NRCAM: variants seen among roughly 807,000 people sequenced by gnomAD.
The protein encoded by NRCAM is NgCAM-related cell adhesion molecule.
In NRCAM, 83 loss-of-function variants were observed where a neutral mutation model predicts 156.5. That is an observed-to-expected ratio of 0.53 (90% CI 0.44 to 0.64). The LOEUF (loss-of-function observed/expected upper bound fraction) is 0.64, where lower values mean the gene tolerates loss of function less well. NRCAM is among the 30% of genes least tolerant of loss of function. NRCAM has a pLI of 0.00. For missense variants in NRCAM, 1,417 were observed against 1,597.3 expected (o/e 0.89, Z 1.92); for synonymous variants, 538 against 563.9 (o/e 0.95, Z 0.65).
chr7:108,421,947 C>T (rs1196881464), intron 1 of NRCAM, among the ~76,000 whole-genome samples: 3 of 152,198 alleles, frequency 2.0e-5, no homozygotes, highest in Non-Finnish European at 4.4e-5. Flanking sequence ...TGGCAGCAAC[C>T]TTTTCCACTA....
At chr7:108,347,032 GT>G (rs754160030) in intron 2 of NRCAM, among the ~76,000 whole-genome samples, 2,423 of 82,936 alleles carry the variant, frequency 0.029, 16 homozygotes, top group African/African-American at 0.11. Context: ...TTATATTTCT[GT>G]TTTTTTTTTT....
At chr7:108,347,896 C>T (rs942973564) in intron 2 of NRCAM, among the ~76,000 whole-genome samples, 1 of 152,174 alleles carries the variant, frequency 6.6e-6, no homozygotes, top group African/African-American at 2.4e-5. Context: ...CCCTGCCCTG[C>T]TTTATTTACT....
intron 2 of NRCAM, among the ~76,000 whole-genome samples, chr7:108,321,098 G>A (rs1191583966): frequency 2.0e-5 from 3 of 151,694 alleles, no homozygotes; most frequent in Non-Finnish European, 4.4e-5. Context: ...CATATAACTT[G>A]CATAATTCAT....
chr7:108,241,793 T>C (rs963327210), intron 3 of NRCAM, among the ~76,000 whole-genome samples: 1 of 152,226 alleles, frequency 6.6e-6, no homozygotes, highest in Admixed American at 6.5e-5. Context: ...ATATTTATAC[T>C]GCTTGGTTTA....
At chr7:108,444,419 T>C (rs71568522) in intron 1 of NRCAM, among the ~76,000 whole-genome samples, 1 of 152,184 alleles carries the variant, frequency 6.6e-6, no homozygotes, top group East Asian at 1.9e-4. Context: ...ACTATTATTG[T>C]ATTCTGTATT....
chr7:108,361,488 C>A (rs1338193644), intron 2 of NRCAM, among the ~76,000 whole-genome samples: 1 of 152,100 alleles, frequency 6.6e-6, no homozygotes, highest in Non-Finnish European at 1.5e-5. Context: ...AGAGGCTGAC[C>A]CTCCCCCAAG....
intron 2 of NRCAM, among the ~76,000 whole-genome samples, chr7:108,345,462 C>T (rs1188377451): frequency 2.0e-5 from 3 of 152,302 alleles, no homozygotes; most frequent in Non-Finnish European, 1.5e-5. Context: ...TGAGATTGAT[C>T]TAAATATCCT....
intron 3 of NRCAM, among the ~76,000 whole-genome samples, chr7:108,299,115 A>AAAAAAAAAG (rs1262888955): frequency 1.1e-4 from 6 of 52,184 alleles, no homozygotes; most frequent in African/African-American, 3.9e-4. Context: ...CAAAAAAAAA[A>AAAAAAAAAG]AAGAAAGAAA....
rs137924504 is a variant in NRCAM at position 108,431,633 on chromosome 7, A to G, written c.-332+24610T>C. Among the ~76,000 whole-genome samples the G allele has an allele frequency of 8.5e-4, 129 of 152,194 alleles. 1 individual carries two copies. Among genetic ancestry groups the G allele is most frequent in the African/African-American group, 3.0e-3 (126 of 41,516 alleles). ...CTTCATCTCTACGAAAAAAATACAA[A>G]AATTAGCCAAGCACGGTGACATGCA... On this transcript the variant is annotated intron_variant, in intron 1 of 32. Transcript: ENST00000379028.
At chr7:108,456,075 A>C (rs1365279950) in intron 1 of NRCAM, among the ~76,000 whole-genome samples, 168 bp downstream of exon 1, 1 of 151,782 alleles carries the variant, frequency 6.6e-6, no homozygotes, top group African/African-American at 2.4e-5. Context: ...AGGGAGTTGG[A>C]GATCTGCTTT....
At chr7:108,175,089 A>G (rs1165239375) in intron 28 of NRCAM, among the ~76,000 whole-genome samples, 1 of 152,256 alleles carries the variant, frequency 6.6e-6, no homozygotes, top group East Asian at 1.9e-4. Flanking sequence ...AGCTAAGATT[A>G]GGATTTGTAC....
chr7:108,174,882 G>C (rs778574577), intron 28 of NRCAM, among the ~76,000 whole-genome samples: 6 of 152,348 alleles, frequency 3.9e-5, no homozygotes, highest in Non-Finnish European at 5.9e-5. Flanking sequence ...TGGCAGCCGA[G>C]TGTACACTGT....
In NRCAM at chr7:108,203,710, G is replaced by A. The variant is rs2079429702; in HGVS notation, c.1207+3818C>T. ...CCCCTGACTGTATCTCTGTTGTGTG[G>A]CACAGGAGACAAACTTCAGGCACCT... On this transcript the variant is annotated intron_variant, in intron 13 of 32. Transcript: ENST00000379028. Among the ~76,000 whole-genome samples, 4 of 152,116 alleles carry A rather than the reference G, an allele frequency of 2.6e-5. No individual in the cohort carries two copies. The South Asian group carries it at 8.3e-4, about 32-fold the overall frequency.
intron 32 of NRCAM, chr7:108,156,253 T>G: frequency 2.0e-6 from 2 of 979,278 alleles, no homozygotes; most frequent in Non-Finnish European, 2.4e-6. Context: ...TTCACATGAA[T>G]GACAAGATTC....
rs1001314202 is a variant in NRCAM at position 108,306,829 on chromosome 7, G to A, written c.-107+5836C>T. On this transcript the variant is annotated intron_variant, in intron 3 of 32. Transcript: ENST00000379028. Reference sequence around the variant, plus strand: ...CCAAGTGAGACTCCAAGTGTACCAAGTGTCTAATGGGCAATCCATTTACAC... The same window carrying A: ...CCAAGTGAGACTCCAAGTGTACCAAATGTCTAATGGGCAATCCATTTACAC... 4.6e-5 allele frequency among the ~76,000 whole-genome samples: 7 copies of A among 152,190 alleles called. No individual in the cohort carries two copies. In the East Asian group the frequency reaches 1.2e-3, roughly 25 times the overall value.
intron 8 of NRCAM, among the ~76,000 whole-genome samples, chr7:108,227,361 G>C (rs904533351): frequency 1.3e-5 from 2 of 152,228 alleles, no homozygotes; most frequent in African/African-American, 4.8e-5. Context: ...CATATTTGTG[G>C]GGTACAATGT....
At chr7:108,271,074 A>T (rs1051828992) in intron 3 of NRCAM, among the ~76,000 whole-genome samples, 78 of 152,332 alleles carry the variant, frequency 5.1e-4, no homozygotes, top group Middle Eastern at 3.4e-3. Context: ...CACAAAGAAA[A>T]ATTAAAAATA....
intron 1 of NRCAM, among the ~76,000 whole-genome samples, chr7:108,455,102 G>A (rs1044308905): frequency 6.6e-6 from 1 of 152,150 alleles, no homozygotes; most frequent in African/African-American, 2.4e-5. Flanking sequence ...CGGCCTGTTC[G>A]CCAGCCCCGG....
At chr7:108,226,607 G>T (rs1182069276) in intron 8 of NRCAM, among the ~76,000 whole-genome samples, 1 of 151,810 alleles carries the variant, frequency 6.6e-6, no homozygotes, top group Non-Finnish European at 1.5e-5. Flanking sequence ...TGGGGTGGGG[G>T]CAGAGGTGAG....
Sources: allele counts gnomAD v4.1 joint callset (sites outside exome capture counted in the v4.1 genomes callset), GRCh38; gene constraint gnomAD v4.1.1; transcripts MANE v1.5; gene names NCBI Gene and HGNC (gene_info 2026-07-23, HGNC 2026-07-21).